Variants in CERS3 observed in about 807,000 individuals in gnomAD.
CERS3 encodes the protein ceramide synthase 3.
In CERS3, 33 loss-of-function variants were observed where a neutral mutation model predicts 50.3. The observed-to-expected ratio is 0.66, with a 90% CI of 0.50 to 0.88. The LOEUF is 0.88. Among genes scored for constraint, CERS3 ranks in the 40% least tolerant of loss-of-function variants. CERS3 has a pLI of 0.00. For missense variants in CERS3, 470 were observed against 460.3 expected (o/e 1.02, Z -0.19); for synonymous variants, 176 against 155.2 (o/e 1.13, Z -0.99).
chr15:100,404,813 G>A (rs1198657335), intron 11 of CERS3, among the ~76,000 whole-genome samples: 1 of 152,160 alleles, frequency 6.6e-6, no homozygotes, highest in East Asian at 1.9e-4. Flanking sequence ...TCTAGAAATA[G>A]ATCCACACAA....
At chr15:100,477,509 G>C (rs142657788) in intron 7 of CERS3, among the ~76,000 whole-genome samples, 17 of 152,184 alleles carry the variant, frequency 1.1e-4, no homozygotes, top group African/African-American at 4.1e-4. Flanking sequence ...AGAGCAAGTA[G>C]GGCATCCAGA....
chr15:100,495,959 C>T (rs1449031141), intron 3 of CERS3, among the ~76,000 whole-genome samples: 1 of 152,174 alleles, frequency 6.6e-6, no homozygotes, highest in African/African-American at 2.4e-5. Context: ...CAGGCAACCA[C>T]TCATCTATTT....
intron 10 of CERS3, among the ~76,000 whole-genome samples, chr15:100,462,838 G>A (rs1005130042): frequency 3.3e-5 from 5 of 152,272 alleles, no homozygotes; most frequent in Non-Finnish European, 7.4e-5. Context: ...CACACAGTCA[G>A]GGGGAAAAGC....
At chr15:100,511,235 GC>G (rs1419730992) in intron 2 of CERS3, among the ~76,000 whole-genome samples, 1 of 152,110 alleles carries the variant, frequency 6.6e-6, no homozygotes. Flanking sequence ...GTTGTAGTGA[GC>G]CAAGATTACA....
intron 11 of CERS3, among the ~76,000 whole-genome samples, chr15:100,433,884 C>T (rs577607932): frequency 8.5e-5 from 13 of 152,390 alleles, no homozygotes; most frequent in Non-Finnish European, 1.5e-4. Flanking sequence ...CTCTGGACAG[C>T]CAATACCCTG....
At chr15:100,498,303 G>A (rs994978851) in intron 3 of CERS3, among the ~76,000 whole-genome samples, 1 of 152,130 alleles carries the variant, frequency 6.6e-6, no homozygotes, top group Non-Finnish European at 1.5e-5. Flanking sequence ...CTAATAAAGT[G>A]TAGATGAATA....
chr15:100,469,596 G>A, intron 9 of CERS3, 112 bp from the exon 10 acceptor site: 2 of 711,442 alleles, frequency 2.8e-6, no homozygotes, highest in South Asian at 3.8e-5. Context: ...CAATCTGGGT[G>A]GAAAGTAGGG....
intron 11 of CERS3, among the ~76,000 whole-genome samples, chr15:100,432,483 C>T (rs2033184394): frequency 6.6e-6 from 1 of 152,184 alleles, no homozygotes; most frequent in Non-Finnish European, 1.5e-5. Context: ...CAATTTCAAG[C>T]TCAGTATGAA....
intron 10 of CERS3, among the ~76,000 whole-genome samples, chr15:100,468,976 T>C (rs1484028644): frequency 1.3e-5 from 2 of 152,214 alleles, no homozygotes; most frequent in Admixed American, 1.3e-4. Flanking sequence ...AAGGACCTAA[T>C]CCAGTGTCTG....
chr15:100,527,716 G>A (rs561022166), intron 1 of CERS3, among the ~76,000 whole-genome samples: 25 of 152,314 alleles, frequency 1.6e-4, no homozygotes, highest in South Asian at 4.1e-4. Flanking sequence ...GAAAATGCAC[G>A]TACACACAGC....
chr15:100,467,769 C>A (rs11247207), intron 10 of CERS3, among the ~76,000 whole-genome samples: 99,104 of 128,972 alleles, frequency 0.77, 35,994 homozygotes, highest in South Asian at 0.85. Context: ...CTCTCTCTCT[C>A]TATATATATA....
At position 100,467,849 on chromosome 15, in the gene CERS3, A is replaced by G. The variant is rs1222650181; in HGVS notation, c.845+1529T>C. Among the ~76,000 whole-genome samples the G allele has an allele frequency of 1.3e-4, 11 of 83,892 alleles. 1 individual carries two copies. The South Asian group carries it at 3.0e-3, about 23-fold the overall frequency. 55.0% of individuals were successfully genotyped at this position (83,892 alleles called of 152,430 possible). ...TATATATATACGTGTATATATATAT[A>G]TATAGATAGATAGATAGATAGATAG... On this transcript the variant is annotated intron_variant, in intron 10 of 11. Transcript: ENST00000679737.
At chr15:100,452,123 G>C (rs1439174305) in intron 11 of CERS3, among the ~76,000 whole-genome samples, 1 of 150,448 alleles carries the variant, frequency 6.6e-6, no homozygotes, top group Non-Finnish European at 1.5e-5. Context: ...TATGCCAAAT[G>C]GACCTAACAG....
intron 11 of CERS3, among the ~76,000 whole-genome samples, chr15:100,431,354 G>A (rs1596648314): frequency 1.3e-5 from 2 of 152,014 alleles, no homozygotes; most frequent in Admixed American, 1.3e-4. Context: ...AATAAATCAT[G>A]TTTTTAAATT....
At chr15:100,476,025 G>A (rs2035116291) in intron 8 of CERS3, 61 bp downstream of exon 8, 3 of 1,109,178 alleles carry the variant, frequency 2.7e-6, no homozygotes, top group South Asian at 1.5e-5. Context: ...TAGAATTTGG[G>A]GCAGGGAGAT....
chr15:100,418,470 G>A (rs1230003232), intron 11 of CERS3, among the ~76,000 whole-genome samples: 1 of 149,232 alleles, frequency 6.7e-6, no homozygotes, highest in Non-Finnish European at 1.5e-5. Context: ...GTACCTGAAA[G>A]TGATGGGGAA....
chr15:100,438,863 G>A (rs139784119), intron 11 of CERS3, among the ~76,000 whole-genome samples: 53 of 152,308 alleles, frequency 3.5e-4, no homozygotes, highest in African/African-American at 1.2e-3. Context: ...CAGGATCCAG[G>A]ATGATATTTA....
In CERS3 at chr15:100,407,509, T is replaced by G. The variant is rs557484026; in HGVS notation, c.1000-4644A>C. On this transcript the variant is annotated intron_variant, in intron 11 of 11. Coordinates refer to ENST00000679737, the MANE Select transcript of CERS3 (RefSeq NM_001378789.1). ...AACCCTGTCTGTAACTATCCAAGCCTAGAATCTGACTCCTTTGTGCATTCA... is the reference window on the plus strand; with the variant it reads ...AACCCTGTCTGTAACTATCCAAGCCGAGAATCTGACTCCTTTGTGCATTCA... Among the ~76,000 whole-genome samples, 11 of 152,390 alleles carry G rather than the reference T, an allele frequency of 7.2e-5. No homozygotes were observed. In the South Asian group the frequency reaches 2.3e-3, roughly 32 times the overall value.
In CERS3 at chr15:100,427,962, G is replaced by A. The variant is rs1245395558; in HGVS notation, c.1000-25097C>T. Among the ~76,000 whole-genome samples the A allele has an allele frequency of 2.0e-5, 3 of 152,208 alleles. No individual in the cohort carries two copies. In the South Asian group the frequency reaches 6.2e-4, roughly 32 times the overall value. On this transcript the variant is annotated intron_variant, in intron 11 of 11. Transcript: ENST00000679737. The stretch of plus-strand genomic sequence containing the variant: ...GCCACGTCACTAAGTGAATTAGAAT[G>A]AATGAGGAACCACTGTTTGGCAGAG...
Sources: allele counts gnomAD v4.1 joint callset (sites outside exome capture counted in the v4.1 genomes callset), GRCh38; gene constraint gnomAD v4.1.1; transcripts MANE v1.5; gene names NCBI Gene and HGNC (gene_info 2026-07-23, HGNC 2026-07-21).